Variants in CSMD1 observed in about 807,000 individuals in gnomAD.
The protein encoded by CSMD1 is CUB and sushi domain-containing protein 1.
A neutral mutation model predicts 417.5 loss-of-function variants in CSMD1; 213 were observed. That is an observed-to-expected ratio of 0.51 (90% CI 0.46 to 0.57). The LOEUF (loss-of-function observed/expected upper bound fraction) is 0.57. Ranked by LOEUF, CSMD1 falls within the 20% of genes least tolerant of loss-of-function variation. CSMD1 has a pLI of 0.00. For synonymous variants in CSMD1, 2,862 were observed against 1,736.8 expected, an observed-to-expected ratio of 1.65 and a Z score of -16.11; for missense variants, 6,923 against 4,529.7, an observed-to-expected ratio of 1.53 and a Z score of -15.17.
At chr8:4,354,902 G>GTA (rs1231019000) in intron 3 of CSMD1, among the ~76,000 whole-genome samples, 57 of 148,858 alleles carry the variant, frequency 3.8e-4, no homozygotes, top group African/African-American at 1.4e-3. Context: ...GTGTGTGTGT[G>GTA]TGTGTGTTAA....
intron 3 of CSMD1, among the ~76,000 whole-genome samples, chr8:4,390,671 G>T (rs746970131): frequency 4.0e-4 from 60 of 151,660 alleles, no homozygotes; most frequent in Non-Finnish European, 6.8e-4. Context: ...CCCCCACCAC[G>T]CCCGGCTAAT....
intron 16 of CSMD1, among the ~76,000 whole-genome samples, chr8:3,397,945 C>A (rs1356482972): frequency 5.3e-5 from 8 of 152,170 alleles, no homozygotes; most frequent in African/African-American, 1.9e-4. Flanking sequence ...TTATGCAATT[C>A]ATCTTTTAAG....
At position 3,636,639 on chromosome 8, in the gene CSMD1, A is replaced by T. The variant is rs544482840; in HGVS notation, c.1010-19842T>A. 7.9e-5 allele frequency among the ~76,000 whole-genome samples: 12 copies of T among 152,298 alleles called. No individual in the cohort carries two copies. In the South Asian group the frequency reaches 2.3e-3, roughly 29 times the overall value. ...TGTTTTCTCCCACCCTACAAAACAA[A>T]TCATGACGCAGAGATGCTCTTCTCC... On this transcript the variant is annotated intron_variant, in intron 7 of 69. Transcript: ENST00000635120.
intron 26 of CSMD1, among the ~76,000 whole-genome samples, chr8:3,249,506 G>A (rs1032435672): frequency 2.0e-5 from 3 of 152,116 alleles, no homozygotes; most frequent in East Asian, 1.9e-4. Context: ...TTACAGACAT[G>A]AGCCATGGCA....
chr8:3,160,258 G>C (rs1000114357), intron 38 of CSMD1, among the ~76,000 whole-genome samples: 2 of 152,052 alleles, frequency 1.3e-5, no homozygotes, highest in Non-Finnish European at 2.9e-5. Flanking sequence ...AGGTAACTGG[G>C]ACTAAAGGAA....
intron 1 of CSMD1, among the ~76,000 whole-genome samples, chr8:4,837,242 TG>T (rs989982601): frequency 6.6e-6 from 1 of 152,064 alleles, no homozygotes; most frequent in Non-Finnish European, 1.5e-5. Flanking sequence ...ATCATCTAGT[TG>T]GGCATATACC....
intron 3 of CSMD1, among the ~76,000 whole-genome samples, chr8:4,297,054 T>C (rs1797724687): frequency 6.7e-6 from 1 of 148,918 alleles, no homozygotes; most frequent in Non-Finnish European, 1.5e-5. Flanking sequence ...CCAATAAAAA[T>C]GGTCGGATGG....
At chr8:3,378,900 A>C (rs1491002871) in intron 18 of CSMD1, among the ~76,000 whole-genome samples, 2 of 152,218 alleles carry the variant, frequency 1.3e-5, no homozygotes, top group Non-Finnish European at 2.9e-5. Flanking sequence ...TGGCCAGGGT[A>C]CTCAGGCAAG....
At chr8:3,417,972 C>G (rs1813262970) in intron 12 of CSMD1, among the ~76,000 whole-genome samples, 3 of 152,308 alleles carry the variant, frequency 2.0e-5, no homozygotes, top group Middle Eastern at 3.4e-3. Context: ...TTGTCCGTCA[C>G]CATCAGTGAC....
intron 25 of CSMD1, among the ~76,000 whole-genome samples, chr8:3,306,017 C>G (rs886161986): frequency 6.6e-6 from 1 of 152,016 alleles, no homozygotes; most frequent in Non-Finnish European, 1.5e-5. Context: ...AGCAGAAACA[C>G]CATCCTAAGA....
chr8:4,463,412 C>T (rs1188971117), intron 2 of CSMD1, among the ~76,000 whole-genome samples: 1 of 152,132 alleles, frequency 6.6e-6, no homozygotes, highest in Non-Finnish European at 1.5e-5. Context: ...CCAGCAAATC[C>T]ACAGCTAGTT....
intron 1 of CSMD1, among the ~76,000 whole-genome samples, chr8:4,660,401 A>C (rs1056705221): frequency 2.0e-5 from 3 of 152,144 alleles, no homozygotes; most frequent in African/African-American, 4.8e-5. Context: ...ATGATTAAGC[A>C]AGATACCATG....
chr8:4,188,903 G>C (rs907607865), intron 3 of CSMD1, among the ~76,000 whole-genome samples: 7 of 152,058 alleles, frequency 4.6e-5, no homozygotes, highest in African/African-American at 1.7e-4. Flanking sequence ...AAACACACGG[G>C]GTTGGCATAG....
intron 5 of CSMD1, among the ~76,000 whole-genome samples, chr8:3,789,439 A>T (rs1348465868): frequency 3.9e-5 from 3 of 77,406 alleles, no homozygotes; most frequent in Non-Finnish European, 7.2e-5. Flanking sequence ...TTTTTTTTTA[A>T]GTGTTTTTTT....
intron 23 of CSMD1, among the ~76,000 whole-genome samples, chr8:3,311,605 A>G (rs373356533): frequency 5.3e-5 from 8 of 152,228 alleles, no homozygotes; most frequent in African/African-American, 1.9e-4. Flanking sequence ...GCTAGTATTG[A>G]ATACTGTACA....
At chr8:3,283,390 C>T (rs942250412) in intron 26 of CSMD1, among the ~76,000 whole-genome samples, 1 of 152,094 alleles carries the variant, frequency 6.6e-6, no homozygotes, top group Non-Finnish European at 1.5e-5. Context: ...ACCTGTCTTG[C>T]ATCCAAGTCT....
intron 5 of CSMD1, among the ~76,000 whole-genome samples, chr8:3,817,850 A>G (rs1379120439): frequency 6.6e-6 from 1 of 152,152 alleles, no homozygotes; most frequent in African/African-American, 2.4e-5. Flanking sequence ...CCCAGAGTCC[A>G]GAGCATACCC....
intron 1 of CSMD1, among the ~76,000 whole-genome samples, chr8:4,925,721 G>A (rs562996184): frequency 1.3e-5 from 2 of 151,858 alleles, no homozygotes; most frequent in African/African-American, 4.8e-5. Flanking sequence ...TAATTTTTTT[G>A]TATTTTTAGT....
At chr8:3,834,431 C>G (rs1328678050) in intron 5 of CSMD1, among the ~76,000 whole-genome samples, 1 of 152,164 alleles carries the variant, frequency 6.6e-6, no homozygotes, top group Non-Finnish European at 1.5e-5. Context: ...GGAAGTGGGG[C>G]AGACTCACTG....
Sources: allele counts gnomAD v4.1 joint callset (sites outside exome capture counted in the v4.1 genomes callset), GRCh38; gene constraint gnomAD v4.1.1; transcripts MANE v1.5; gene names NCBI Gene and HGNC (gene_info 2026-07-23, HGNC 2026-07-21).